SUGCT: variants seen among roughly 807,000 people sequenced by gnomAD.
SUGCT encodes the protein succinyl-CoA:glutarate-CoA transferase.
Under a neutral mutation model 55.0 loss-of-function variants are expected in SUGCT, and 41 were observed. That is an observed-to-expected ratio of 0.74 (90% CI 0.58 to 0.97). The LOEUF is 0.97. SUGCT is among the 50% of genes least tolerant of loss of function. SUGCT has a pLI of 0.00. For missense variants in SUGCT, 568 were observed against 547.8 expected (o/e 1.04, Z -0.37); for synonymous variants, 187 against 200.4 (o/e 0.93, Z 0.56).
the SUGCT span, among the ~76,000 whole-genome samples, chr7:40,923,250 C>G: frequency 6.6e-6 from 1 of 152,154 alleles, no homozygotes; most frequent in Non-Finnish European, 1.5e-5. Context: ...AGTTACTTGG[C>G]AAGTTACCAT....
intron 12 of SUGCT, among the ~76,000 whole-genome samples, chr7:40,573,521 C>A (rs1461327506): frequency 6.6e-6 from 1 of 152,004 alleles, no homozygotes; most frequent in African/African-American, 2.4e-5. Context: ...ATACACACAT[C>A]CATACATACA....
chr7:40,790,204 C>G lies in SUGCT; in HGVS notation c.1153+40707C>G, dbSNP rs540134072. On this transcript the variant is annotated intron_variant, in intron 13 of 13. Transcript: ENST00000335693. ...GTAATTGAATCATGGGGGCAGTTAC[C>G]CCCAGCTACTGTTCTCATGCTAGTG... Among the ~76,000 whole-genome samples, 59 of 152,050 alleles carry G rather than the reference C, an allele frequency of 3.9e-4. 1 individual carries two copies. Among genetic ancestry groups the G allele is most frequent in the Non-Finnish European group, 8.1e-4 (55 of 68,016 alleles).
chr7:40,577,894 C>A (rs1171535321), intron 12 of SUGCT, among the ~76,000 whole-genome samples: 1 of 152,140 alleles, frequency 6.6e-6, no homozygotes, highest in Admixed American at 6.5e-5. Context: ...GCAAAATATG[C>A]CTTTCTACTG....
chr7:40,300,710 T>C (rs1002980853), intron 8 of SUGCT, among the ~76,000 whole-genome samples: 3 of 152,192 alleles, frequency 2.0e-5, no homozygotes, highest in Non-Finnish European at 4.4e-5. Flanking sequence ...AACATGTCTA[T>C]AGCTTGCAGC....
At chr7:40,727,071 A>G (rs1312754879) in intron 12 of SUGCT, among the ~76,000 whole-genome samples, 2 of 152,152 alleles carry the variant, frequency 1.3e-5, no homozygotes, top group Non-Finnish European at 2.9e-5. Flanking sequence ...TAGTCATGCT[A>G]TCGTGTTATT....
intron 12 of SUGCT, among the ~76,000 whole-genome samples, chr7:40,534,723 A>G (rs1438463031): frequency 3.3e-5 from 5 of 152,168 alleles, no homozygotes; most frequent in African/African-American, 1.2e-4. Flanking sequence ...CCGGCCTAAA[A>G]TTTCTTTATC....
At chr7:40,858,864 G>A (rs1162995953) in intron 13 of SUGCT, among the ~76,000 whole-genome samples, 2 of 152,176 alleles carry the variant, frequency 1.3e-5, no homozygotes, top group African/African-American at 2.4e-5. Context: ...CCTCTGTAGT[G>A]GATTAGATGT....
the SUGCT span, among the ~76,000 whole-genome samples, chr7:40,911,284 C>T: frequency 6.6e-4 from 100 of 152,280 alleles, 2 homozygotes; most frequent in South Asian, 0.021. Context: ...ATTATTAAGA[C>T]ATTGTACTTG....
intron 12 of SUGCT, among the ~76,000 whole-genome samples, chr7:40,695,744 T>A (rs1389019882): frequency 1.3e-5 from 2 of 152,144 alleles, no homozygotes; most frequent in African/African-American, 4.8e-5. Flanking sequence ...AGAATAATCG[T>A]TATGGGGGCT....
rs548087509 is a variant in SUGCT at position 40,137,947 on chromosome 7, G to T, written c.100+2827G>T. On this transcript the variant is annotated intron_variant, in intron 1 of 13. Coordinates refer to ENST00000335693, the MANE Select transcript of SUGCT (RefSeq NM_001193313.2). ...TCCAGCCACCTGGGCCTCTCAAAGT[G>T]CTGGGATTACAGGCATGAGCCCCCT... Among the ~76,000 whole-genome samples, 3 of 152,316 alleles carry T rather than the reference G, an allele frequency of 2.0e-5. No individual in the cohort carries two copies. In the East Asian group the frequency reaches 5.8e-4, roughly 29 times the overall value.
At chr7:40,139,750 C>T (rs1562789094) in intron 1 of SUGCT, among the ~76,000 whole-genome samples, 1 of 151,928 alleles carries the variant, frequency 6.6e-6, no homozygotes, top group Non-Finnish European at 1.5e-5. Context: ...TTCCATTTGC[C>T]TATTTTTGTT....
chr7:40,766,085 A>G (rs1359584850), intron 13 of SUGCT, among the ~76,000 whole-genome samples: 1 of 152,244 alleles, frequency 6.6e-6, no homozygotes. Flanking sequence ...AATTTTTTAT[A>G]CTTGAATTCC....
chr7:40,684,068 G>C (rs777677125), intron 12 of SUGCT: 1 of 1,612,324 alleles, frequency 6.2e-7, no homozygotes, highest in East Asian at 2.2e-5. Flanking sequence ...CGCTGTCTCT[G>C]GCTTCCAAAG....
intron 9 of SUGCT, among the ~76,000 whole-genome samples, chr7:40,352,528 G>A (rs1264301204): frequency 1.3e-5 from 2 of 152,084 alleles, no homozygotes; most frequent in African/African-American, 4.8e-5. Flanking sequence ...TGTGCTCAGT[G>A]TTTAGCTCCC....
intron 8 of SUGCT, among the ~76,000 whole-genome samples, chr7:40,284,155 G>T (rs1256733210): frequency 6.6e-6 from 1 of 151,894 alleles, no homozygotes; most frequent in Admixed American, 6.6e-5. Flanking sequence ...TGGAGGTGGG[G>T]GCAGGGGAAG....
intron 13 of SUGCT, among the ~76,000 whole-genome samples, chr7:40,780,311 C>T (rs1789669044): frequency 6.6e-6 from 1 of 152,060 alleles, no homozygotes; most frequent in African/African-American, 2.4e-5. Flanking sequence ...TGCTATAATA[C>T]CCTGAGGTCT....
At chr7:40,703,460 C>G (rs1184298882) in intron 12 of SUGCT, among the ~76,000 whole-genome samples, 1 of 152,130 alleles carries the variant, frequency 6.6e-6, no homozygotes, top group Non-Finnish European at 1.5e-5. Context: ...CTCCTCTAAC[C>G]TCTCTATATA....
intron 8 of SUGCT, among the ~76,000 whole-genome samples, chr7:40,305,523 G>A (rs1021468238): frequency 3.3e-5 from 5 of 152,092 alleles, no homozygotes; most frequent in Non-Finnish European, 5.9e-5. Context: ...GTGAATGAGG[G>A]AAGAGTTGAC....
At chr7:40,687,807 C>G (rs960900937) in intron 12 of SUGCT, among the ~76,000 whole-genome samples, 2 of 152,122 alleles carry the variant, frequency 1.3e-5, no homozygotes, top group Non-Finnish European at 2.9e-5. Context: ...TTATGGCAAG[C>G]TTCTTAGGAA....
Sources: allele counts gnomAD v4.1 joint callset (sites outside exome capture counted in the v4.1 genomes callset), GRCh38; gene constraint gnomAD v4.1.1; transcripts MANE v1.5; gene names NCBI Gene and HGNC (gene_info 2026-07-23, HGNC 2026-07-21).